The following CCDC18 variants were observed in gnomAD, a reference collection of about 807,000 sequenced individuals.
The protein encoded by CCDC18 is coiled-coil domain-containing protein 18.
CCDC18 carries 157 observed loss-of-function variants against 196.0 expected under a neutral mutation model. The observed-to-expected ratio is 0.80, with a 90% CI of 0.70 to 0.91. The LOEUF (loss-of-function observed/expected upper bound fraction) is 0.91, where lower values mean the gene tolerates loss of function less well. Ranked by LOEUF, CCDC18 falls within the 40% of genes least tolerant of loss-of-function variation. CCDC18 has a pLI of 0.00. For missense variants in CCDC18, 1,465 were observed against 1,611.6 expected (o/e 0.91, Z 1.56); for synonymous variants, 482 against 529.2 (o/e 0.91, Z 1.22).
At chr1:93,273,847 G>C (rs1167421321) in intron 28 of CCDC18, among the ~76,000 whole-genome samples, 2 of 152,114 alleles carry the variant, frequency 1.3e-5, no homozygotes, top group African/African-American at 2.4e-5. Context: ...AGCCTTTACT[G>C]TATGTCAAGC....
intron 21 of CCDC18, among the ~76,000 whole-genome samples, chr1:93,241,485 A>G (rs1433225979): frequency 6.6e-6 from 1 of 152,012 alleles, no homozygotes; most frequent in African/African-American, 2.4e-5. Context: ...ACACTTTGGG[A>G]GGCCGAGACA....
chr1:93,274,955 T>C (rs1266362360), intron 28 of CCDC18, among the ~76,000 whole-genome samples: 1 of 152,220 alleles, frequency 6.6e-6, no homozygotes, highest in African/African-American at 2.4e-5. Context: ...TTTAAATGCA[T>C]TGACCACTGT....
At position 93,183,383 on chromosome 1, in the gene CCDC18, T is replaced by G. The variant is rs1557591557; in HGVS notation, c.22T>G (p.Tyr8Asp). 1 of 1,585,556 alleles carries G rather than the reference T, an allele frequency of 6.3e-7. No individual in the cohort carries two copies. The highest frequency in any genetic ancestry group is 1.7e-5 in the Admixed American group (1 of 57,492). ...AGAAATGGAATCTAGTTCATCAGAC[T>G]ACTATAATAAAGACAATGAAGAGGA... MESSSSDYYNKDNEEESL... is the reference protein window; with the variant it reads MESSSSDDYNKDNEEESL... Residue 8 changes from tyrosine to aspartate, a missense_variant, in exon 2 of 29, where the codon TAC (tyrosine) becomes GAC (aspartate). Tyr to Asp is a radical substitution (Grantham distance 160, BLOSUM62 -3). Transcript: ENST00000690025.
chr1:93,203,938 T>G (rs1413879895), intron 7 of CCDC18, among the ~76,000 whole-genome samples: 1 of 152,018 alleles, frequency 6.6e-6, no homozygotes, highest in Non-Finnish European at 1.5e-5. Flanking sequence ...CTTATTAAAG[T>G]AGAAGGCACA....
intron 4 of CCDC18, among the ~76,000 whole-genome samples, chr1:93,186,800 C>T (rs924661725): frequency 6.6e-6 from 1 of 151,742 alleles, no homozygotes; most frequent in African/African-American, 2.4e-5. Flanking sequence ...ACTTATCTTC[C>T]CTTTTAAAAT....
chr1:93,215,269 C>T (rs1260689077), intron 12 of CCDC18, among the ~76,000 whole-genome samples: 2 of 151,950 alleles, frequency 1.3e-5, no homozygotes, highest in East Asian at 3.9e-4. Context: ...GGTTAATATA[C>T]ATTTATAAAT....
intron 6 of CCDC18, among the ~76,000 whole-genome samples, chr1:93,195,146 C>T (rs148099054): frequency 0.012 from 1,861 of 152,312 alleles, 45 homozygotes; most frequent in African/African-American, 0.043. Context: ...GCTGGAATTA[C>T]AGGCGTGAGC....
intron 6 of CCDC18, among the ~76,000 whole-genome samples, chr1:93,198,976 T>G (rs1653294094): frequency 6.6e-6 from 1 of 152,188 alleles, no homozygotes; most frequent in African/African-American, 2.4e-5. Flanking sequence ...GTATTTGGGG[T>G]TTGTTTTAAT....
At chr1:93,232,898 G>T (rs1659461631) in intron 18 of CCDC18, among the ~76,000 whole-genome samples, 1 of 152,146 alleles carries the variant, frequency 6.6e-6, no homozygotes, top group Admixed American at 6.5e-5. Flanking sequence ...TTGAACCCAA[G>T]AGGTGGAGGT....
intron 6 of CCDC18, among the ~76,000 whole-genome samples, chr1:93,199,337 CCAGGCGCCAGCA>C (rs1382600407): frequency 6.6e-6 from 1 of 152,242 alleles, no homozygotes; most frequent in African/African-American, 2.4e-5. Flanking sequence ...GTGAGCAGCT[CCAGGCGCCAGCA>C]CGGGCGCCAG....
intron 23 of CCDC18, 145 bp downstream of exon 23, chr1:93,247,099 C>CCCAGGCTGTCACTGCTCT: frequency 2.0e-6 from 1 of 491,566 alleles, no homozygotes; most frequent in Non-Finnish European, 3.7e-6. Context: ...TTCTCTGTCA[C>CCCAGGCTGTCACTGCTCT]CCAGGCTGGA....
intron 25 of CCDC18, among the ~76,000 whole-genome samples, chr1:93,257,613 T>C (rs1223506573): frequency 6.6e-6 from 1 of 152,142 alleles, no homozygotes; most frequent in African/African-American, 2.4e-5. Context: ...TATGTTGTTA[T>C]TCACATTTCT....
chr1:93,215,997 A>G (rs1267483236), intron 12 of CCDC18, among the ~76,000 whole-genome samples: 1 of 152,244 alleles, frequency 6.6e-6, no homozygotes, highest in Non-Finnish European at 1.5e-5. Flanking sequence ...CAGAGGCTGC[A>G]GTCATCTATA....
At chr1:93,238,159 C>G (rs755145478) in intron 19 of CCDC18, among the ~76,000 whole-genome samples, 8 of 152,182 alleles carry the variant, frequency 5.3e-5, no homozygotes, top group Non-Finnish European at 1.2e-4. Flanking sequence ...GCTCATGGCT[C>G]TATGCCAATC....
At chr1:93,268,867 G>A (rs1664897338) in intron 27 of CCDC18, among the ~76,000 whole-genome samples, 1 of 152,046 alleles carries the variant, frequency 6.6e-6, no homozygotes, top group Admixed American at 6.5e-5. Context: ...AGACAGTGTG[G>A]CGATTCCTCA....
At chr1:93,200,018 T>A (rs1431579314) in intron 6 of CCDC18, 3 of 152,250 alleles carry the variant, frequency 2.0e-5, no homozygotes, top group Non-Finnish European at 4.4e-5. Context: ...AGGGTCTTGC[T>A]CTGTCACCCA....
intron 4 of CCDC18, among the ~76,000 whole-genome samples, chr1:93,188,060 G>A (rs963583307): frequency 9.2e-5 from 14 of 152,246 alleles, no homozygotes; most frequent in Admixed American, 5.9e-4. Context: ...ATAGCATTTT[G>A]AACCTTTCTT....
chr1:93,251,052 T>C (rs1174246276), intron 23 of CCDC18, among the ~76,000 whole-genome samples: 2 of 152,212 alleles, frequency 1.3e-5, no homozygotes, highest in East Asian at 1.9e-4. Flanking sequence ...CTGTCTTTCA[T>C]TGTGGTTAAA....
At chr1:93,231,437 G>C (rs1659226880) in intron 17 of CCDC18, among the ~76,000 whole-genome samples, 2 of 152,002 alleles carry the variant, frequency 1.3e-5, no homozygotes, top group South Asian at 2.1e-4. Context: ...TATGTTAGCT[G>C]TCTTTTTAAT....
Sources: allele counts gnomAD v4.1 joint callset (sites outside exome capture counted in the v4.1 genomes callset), GRCh38; gene constraint gnomAD v4.1.1; transcripts MANE v1.5; gene names NCBI Gene and HGNC (gene_info 2026-07-23, HGNC 2026-07-21).